Variants in C7orf57 observed in about 807,000 individuals in gnomAD.
C7orf57 encodes uncharacterized protein C7orf57.
C7orf57 carries 33 observed loss-of-function variants against 39.0 expected under a neutral mutation model. That is an observed-to-expected ratio of 0.85 (90% CI 0.64 to 1.13). C7orf57 has a LOEUF of 1.13. Among genes scored for constraint, C7orf57 ranks in the 50% most tolerant of loss-of-function variants. The pLI is 0.00. For synonymous variants in C7orf57, 124 were observed against 137.1 expected (o/e 0.90, Z 0.67); for missense variants, 346 against 362.3 (o/e 0.95, Z 0.37).
chr7:48,051,443 C>A (rs1244643260), intron 6 of C7orf57, among the ~76,000 whole-genome samples: 1 of 150,118 alleles, frequency 6.7e-6, no homozygotes, highest in Admixed American at 6.6e-5. Context: ...CTCTGCCTCC[C>A]GGGTTCATGC....
intron 7 of C7orf57, 100 bp from the exon 8 acceptor site, chr7:48,054,495 A>G: frequency 1.0e-6 from 1 of 957,618 alleles, no homozygotes; most frequent in Non-Finnish European, 1.6e-6. Flanking sequence ...TGTTGTTTTA[A>G]GTAATACAGA....
In C7orf57 at chr7:48,052,704, G is replaced by C. The variant is rs180987533; in HGVS notation, c.610G>C (p.Gly204Arg). Residue 204 changes from glycine to arginine, a missense_variant, in exon 7 of 9, where the codon GGT becomes CGT. Gly to Arg is a moderately radical substitution (Grantham distance 125). Coordinates refer to ENST00000348904, the MANE Select transcript of C7orf57 (RefSeq NM_001100159.3). ...GSRLSFPPVP[G>R]QKNSSPTNFS... ...ATTACTTTTACTCTTTTTAAGGCCT[G>C]GTCAAAAAAACAGTTCACCTACCAA... 6.2e-7 allele frequency: 1 copy of C among 1,613,260 alleles called. No homozygotes were observed. Among genetic ancestry groups the C allele is most frequent in the African/African-American group, 1.3e-5 (1 of 74,986 alleles).
chr7:48,058,199 C>T (rs905506361), intron 8 of C7orf57, among the ~76,000 whole-genome samples: 5 of 152,146 alleles, frequency 3.3e-5, no homozygotes, highest in African/African-American at 1.2e-4. Flanking sequence ...CAGGGTAATG[C>T]TGGCCTCATA....
intron 3 of C7orf57, 29 bp from the exon 4 acceptor site, chr7:48,043,452 C>A: frequency 6.3e-7 from 1 of 1,577,498 alleles, no homozygotes; most frequent in Non-Finnish European, 8.7e-7. Context: ...GGCGGGGTGT[C>A]TCACAGCCAT....
At chr7:48,058,857 A>G (rs139205625) in intron 8 of C7orf57, among the ~76,000 whole-genome samples, 160 of 152,356 alleles carry the variant, frequency 1.1e-3, no homozygotes, top group African/African-American at 3.7e-3. Flanking sequence ...AGGGACGATC[A>G]TTTGGCATTC....
chr7:48,051,306 C>G (rs1162179552), intron 6 of C7orf57, among the ~76,000 whole-genome samples: 1 of 148,346 alleles, frequency 6.7e-6, no homozygotes, highest in Non-Finnish European at 1.5e-5. Flanking sequence ...CTCAGCCTCC[C>G]AAGTAGCGGG....
In C7orf57 at chr7:48,060,851, A is replaced by G. The variant is rs955222938; in HGVS notation, c.*579A>G. On this transcript the variant is annotated 3_prime_UTR_variant, in exon 9 of 9. Coordinates refer to ENST00000348904, the MANE Select transcript of C7orf57 (RefSeq NM_001100159.3). Reference sequence around the variant, plus strand: ...TTTTTCACAAACTGATATTCAAAATATTAAACATTTGTTATTTTGTATAAA... The same window carrying G: ...TTTTTCACAAACTGATATTCAAAATGTTAAACATTTGTTATTTTGTATAAA... The G allele has an allele frequency of 6.6e-6, 1 of 152,194 alleles. No individual in the cohort carries two copies. The highest frequency in any genetic ancestry group is 1.5e-5 in the Non-Finnish European group (1 of 68,008). The allele number at this position is 152,194 out of a possible 1,614,324, so 9.4% of individuals were successfully genotyped here.
intron 1 of C7orf57, 69 bp from the exon 2 acceptor site, chr7:48,036,139 G>C: frequency 1.4e-6 from 1 of 691,220 alleles, no homozygotes; most frequent in East Asian, 2.7e-5. Context: ...ATCGTAAGGC[G>C]CCTGCAGGCG....
At chr7:48,040,769 C>T (rs1489060917) in intron 2 of C7orf57, among the ~76,000 whole-genome samples, 1 of 152,138 alleles carries the variant, frequency 6.6e-6, no homozygotes, top group African/African-American at 2.4e-5. Context: ...TTTGACCACT[C>T]CCCAGTCCTA....
chr7:48,049,974 C>A lies in C7orf57; in HGVS notation c.602C>A (p.Pro201His), dbSNP rs2708890. The change falls in exon 6 of 9, where the codon CCC (proline) becomes CAC (histidine). Residue 201 changes from proline to histidine, a missense_variant. By Grantham distance (77) the Pro-to-His change is moderately conservative. Coordinates refer to ENST00000348904, the MANE Select transcript of C7orf57 (RefSeq NM_001100159.3). Reference sequence around the variant, plus strand: ...GCAGGAAGTAGACTCTCCTTCCCCCCCGTGTAAGTGCTTGAGCTACGCCCT... The same window carrying A: ...GCAGGAAGTAGACTCTCCTTCCCCCACGTGTAAGTGCTTGAGCTACGCCCT... ...NPAGSRLSFP[P>H]VPGQKNSSPT... The A allele has an allele frequency of 0.9, 1,442,552 of 1,601,332 alleles. 652,849 individuals are homozygous for A. The highest frequency in any genetic ancestry group is 0.93 in the Non-Finnish European group (1,084,794 of 1,169,100).
intron 6 of C7orf57, among the ~76,000 whole-genome samples, chr7:48,050,564 TG>T (rs200792155): frequency 0.013 from 2,043 of 152,192 alleles, 17 homozygotes; most frequent in Non-Finnish European, 0.021. Flanking sequence ...TCTTGTCCAA[TG>T]GGGAAAAAAC....
Position 48,060,463 on chromosome 7 carries a change from T to C in C7orf57, c.*191T>C, listed in dbSNP as rs1791260754. 4.3e-6 allele frequency: 2 copies of C among 459,954 alleles called. No individual in the cohort carries two copies. The highest frequency in any genetic ancestry group is 3.7e-5 in the South Asian group (1 of 26,830). The allele number at this position is 459,954 out of a possible 1,614,324, so 28.5% of individuals were successfully genotyped here. On this transcript the variant is annotated 3_prime_UTR_variant, in exon 9 of 9. Coordinates refer to ENST00000348904, the MANE Select transcript of C7orf57 (RefSeq NM_001100159.3). The stretch of plus-strand genomic sequence containing the variant: ...TTGGTTTTTGTTTCTTGCATTTCTC[T>C]GGGATGTGAAACACTTGGCTAACAA...
At chr7:48,048,577 T>C (rs1790782833) in intron 5 of C7orf57, among the ~76,000 whole-genome samples, 1 of 152,260 alleles carries the variant, frequency 6.6e-6, no homozygotes, top group South Asian at 2.1e-4. Flanking sequence ...AGCATGTATT[T>C]CTATTTCTTT....
At chr7:48,043,678 G>C (rs2128792355) in intron 4 of C7orf57, 89 bp downstream of exon 4, 1 of 990,702 alleles carries the variant, frequency 1.0e-6, no homozygotes, top group Non-Finnish European at 1.6e-6. Context: ...ATGTCTAATA[G>C]TGGTAGCAAG....
chr7:48,038,664 A>G (rs1051498562), intron 2 of C7orf57, among the ~76,000 whole-genome samples: 14 of 152,222 alleles, frequency 9.2e-5, no homozygotes, highest in Admixed American at 7.9e-4. Context: ...AAAGAGGTTT[A>G]TTCTAAGCCA....
rs559034210 is a variant in C7orf57, at chr7:48,043,427, C to T, written c.242-54C>T. The T allele has an allele frequency of 6.7e-6, 9 of 1,338,046 alleles. No homozygotes were observed. The East Asian group carries it at 1.4e-4, about 21-fold the overall frequency. 82.9% of individuals were successfully genotyped at this position (1,338,046 alleles called of 1,614,324 possible). ...TGAGCCTATCACTGGCAATGCTGTG[C>T]GTCTGTGTAGGGGCGGCGGGGTGTC... On this transcript the variant is annotated intron_variant, in intron 3 of 8. Coordinates refer to ENST00000348904, the MANE Select transcript of C7orf57 (RefSeq NM_001100159.3).
Position 48,059,073 on chromosome 7 carries a change from G to T in C7orf57, c.842-1153G>T, listed in dbSNP as rs559958015. 3.9e-5 allele frequency among the ~76,000 whole-genome samples: 6 copies of T among 152,258 alleles called. No individual in the cohort carries two copies. The East Asian group carries it at 1.2e-3, about 29-fold the overall frequency. On this transcript the variant is annotated intron_variant, in intron 8 of 8. Transcript: ENST00000348904. ...TAGTTTCTGGATAGCTGAGGCGGGG[G>T]TCACTATGAAATGCCTGCTCCCACC...
At chr7:48,052,215 C>A (rs945771255) in intron 6 of C7orf57, among the ~76,000 whole-genome samples, 48 of 152,098 alleles carry the variant, frequency 3.2e-4, no homozygotes, top group Non-Finnish European at 6.2e-4. Context: ...CTCATGGCTG[C>A]CTGCCTTGGC....
intron 4 of C7orf57, 33 bp downstream of exon 4, chr7:48,043,622 A>G (rs910670757): frequency 3.9e-6 from 6 of 1,543,248 alleles, no homozygotes; most frequent in Non-Finnish European, 5.4e-6. Flanking sequence ...ATTTTTGTTT[A>G]TCTTTACAGG....
Sources: allele counts gnomAD v4.1 joint callset (sites outside exome capture counted in the v4.1 genomes callset), GRCh38; gene constraint gnomAD v4.1.1; transcripts MANE v1.5; gene names NCBI Gene and HGNC (gene_info 2026-07-23, HGNC 2026-07-21).